The following XIAP variants were observed in gnomAD, a reference collection of about 807,000 sequenced individuals.
XIAP encodes the protein E3 ubiquitin-protein ligase XIAP.
A neutral mutation model predicts 33.1 loss-of-function variants in XIAP; 3 were observed. The ratio of observed to expected loss-of-function variants is 0.09; its 90% confidence interval spans 0.04 to 0.23. The LOEUF (loss-of-function observed/expected upper bound fraction) is 0.23, where lower values mean the gene tolerates loss of function less well. XIAP is among the 10% of genes least tolerant of loss of function. XIAP has a pLI of 1.00. For synonymous variants in XIAP, 98 were observed against 121.3 expected (o/e 0.81, Z 1.26); for missense variants, 264 against 363.0 (o/e 0.73, Z 2.22).
At chrX:123,882,661 G>A (rs1038215291) in intron 1 of XIAP, among the ~76,000 whole-genome samples, 8 of 112,724 alleles carry the variant, frequency 7.1e-5, no homozygotes, top group Admixed American at 5.7e-4. Context: ...TAGTCGACTT[G>A]TAATGTTGGC....
At position 123,913,450 on chromosome X, in the gene XIAP, A is replaced by G. The variant is rs930777951; in HGVS notation, c.*6269A>G. Reference sequence around the variant, plus strand: ...GCGCCACCGCACTCCAGCCTAGGTGATAGAGTGAGACTCCCTCTCAAAAAC... The same window carrying G: ...GCGCCACCGCACTCCAGCCTAGGTGGTAGAGTGAGACTCCCTCTCAAAAAC... On this transcript the variant is annotated 3_prime_UTR_variant, in exon 7 of 7. Transcript: ENST00000371199. The G allele has an allele frequency of 1.5e-5, 5 of 329,396 alleles. No homozygotes were observed. The highest frequency in any genetic ancestry group is 2.9e-5 in the Non-Finnish European group (5 of 169,984). The allele number at this position is 329,396 out of a possible 1,213,427, so 27.1% of individuals were successfully genotyped here. A position where few individuals can be genotyped will look rare whatever the true frequency, so the allele number is the denominator to read the frequency against.
intron 6 of XIAP, among the ~76,000 whole-genome samples, chrX:123,901,751 A>T (rs2053515949): frequency 9.0e-6 from 1 of 111,677 alleles, no homozygotes; most frequent in African/African-American, 3.2e-5. Context: ...TTATAGATGC[A>T]TTTATTTAAA....
rs1409226167 is a variant in XIAP at position 123,912,493 on chromosome X, G to C, written c.*5312G>C. The C allele has an allele frequency of 6.1e-6, 2 of 325,301 alleles. No homozygotes were observed. The highest frequency in any genetic ancestry group is 1.2e-5 in the Non-Finnish European group (2 of 169,191). 26.8% of individuals were successfully genotyped at this position (325,301 alleles called of 1,213,427 possible). A position where few individuals can be genotyped will look rare whatever the true frequency, so the allele number is the denominator to read the frequency against. ...CTACAAAAAATACAAAAATTAGCTG[G>C]GCATGGTGGTGTGTGCCTGTAGTCC... On this transcript the variant is annotated 3_prime_UTR_variant, in exon 7 of 7. Transcript: ENST00000371199.
At chrX:123,860,428 C>G in intron 1 of XIAP, 135 bp downstream of exon 1, 1 of 270,395 alleles carries the variant, frequency 3.7e-6, no homozygotes. Flanking sequence ...GCCAGCCCAT[C>G]AGGGGTGGCC....
At position 123,909,327 on chromosome X, in the gene XIAP, G is replaced by A. The variant is rs762000391; in HGVS notation, c.*2146G>A. On this transcript the variant is annotated 3_prime_UTR_variant, in exon 7 of 7. Coordinates refer to ENST00000371199, the MANE Select transcript of XIAP (RefSeq NM_001167.4). Reference sequence around the variant, plus strand: ...ATTACAGGCTTGAGCCACCACGCCCGGCTAAAACATTGCAAATTTAAATGA... The same window carrying A: ...ATTACAGGCTTGAGCCACCACGCCCAGCTAAAACATTGCAAATTTAAATGA... 9.8e-5 allele frequency: 32 copies of A among 327,205 alleles called. No individual in the cohort carries two copies. Among genetic ancestry groups the A allele is most frequent in the South Asian group, 8.4e-4 (32 of 38,301 alleles). 27.0% of individuals were successfully genotyped at this position (327,205 alleles called of 1,213,427 possible).
Position 123,909,666 on chromosome X carries a change from A to G in XIAP, c.*2485A>G, listed in dbSNP as rs1038896344. ...GTTCTGGGAGCCGCACTTCATTAAA[A>G]TTCTTCTAAAACTTGTATGTTTAGA... On this transcript the variant is annotated 3_prime_UTR_variant, in exon 7 of 7. Transcript: ENST00000371199. The G allele has an allele frequency of 9.1e-6, 3 of 328,023 alleles. No homozygotes were observed. The highest frequency in any genetic ancestry group is 8.0e-5 in the African/African-American group (3 of 37,625). The allele number at this position is 328,023 out of a possible 1,213,427, so 27.0% of individuals were successfully genotyped here.
chrX:123,862,019 A>G (rs754719130), intron 1 of XIAP, among the ~76,000 whole-genome samples: 4 of 112,235 alleles, frequency 3.6e-5, no homozygotes, highest in Non-Finnish European at 7.5e-5. Flanking sequence ...GGTAGCACAT[A>G]TACTAAAATT....
At chrX:123,900,405 A>G (rs767908853) in intron 5 of XIAP, 88 bp from the exon 6 acceptor site, 13 of 842,845 alleles carry the variant, frequency 1.5e-5, no homozygotes, top group Non-Finnish European at 2.2e-5. Flanking sequence ...TAATTTTTTC[A>G]TTTTAACTAT....
chrX:123,911,670 C>A lies in XIAP; in HGVS notation c.*4489C>A, dbSNP rs750890983. The stretch of plus-strand genomic sequence containing the variant: ...TCCAGTCTGGGTGACAGAGTGAGAC[C>A]CCATCTCTAAATAAATAGGTCAAAC... On this transcript the variant is annotated 3_prime_UTR_variant, in exon 7 of 7. Transcript: ENST00000371199. The A allele has an allele frequency of 1.1e-4, 35 of 325,259 alleles. No individual in the cohort carries two copies. Among genetic ancestry groups the A allele is most frequent in the South Asian group, 9.3e-4 (35 of 37,823 alleles). The allele number at this position is 325,259 out of a possible 1,213,427, so 26.8% of individuals were successfully genotyped here. A position where few individuals can be genotyped will look rare whatever the true frequency, so the allele number is the denominator to read the frequency against.
In XIAP at chrX:123,886,535, T is replaced by G; in HGVS notation, c.873T>G (p.Ala291=). 8.3e-7 allele frequency: 1 copy of G among 1,202,241 alleles called. No homozygotes were observed. The change falls in exon 2 of 7, where the codon GCT becomes GCG. Residue 291 remains alanine, a synonymous_variant. Transcript: ENST00000371199. ...KEQLARAGFY[A]LGEGDKVKCF... is the part of the protein sequence containing the mutation. Reference sequence around the variant, plus strand: ...AGCTTGCAAGAGCTGGATTTTATGCTTTAGGTAAACTTTATTATAAAACCA... The same window carrying G: ...AGCTTGCAAGAGCTGGATTTTATGCGTTAGGTAAACTTTATTATAAAACCA...
At chrX:123,880,519 C>T (rs747084925) in intron 1 of XIAP, among the ~76,000 whole-genome samples, 16 of 108,684 alleles carry the variant, frequency 1.5e-4, no homozygotes, top group African/African-American at 5.4e-4. Context: ...GGTGGATCAC[C>T]TGAGATCAGC....
At chrX:123,874,744 G>A (rs1442231963) in intron 1 of XIAP, among the ~76,000 whole-genome samples, 1 of 93,016 alleles carries the variant, frequency 1.1e-5, no homozygotes, top group East Asian at 3.5e-4. Flanking sequence ...GCCCAGGCTT[G>A]AATGCAGTGG....
intron 1 of XIAP, among the ~76,000 whole-genome samples, chrX:123,864,794 G>T (rs866308426): frequency 9.8e-5 from 5 of 51,032 alleles, no homozygotes; most frequent in African/African-American, 1.8e-4. Context: ...GTGTGTGTGT[G>T]TGTGTGTGTG....
rs79291374 is a variant in XIAP at position 123,909,474 on chromosome X, TGTATA to T, written c.*2296_*2300del. 0.22 allele frequency: 72,173 copies of T among 326,253 alleles called. 5,128 individuals are homozygous for T. The highest frequency in any genetic ancestry group is 0.39 in the South Asian group (14,772 of 38,132). The allele number at this position is 326,253 out of a possible 1,213,427, so 26.9% of individuals were successfully genotyped here. A position where few individuals can be genotyped will look rare whatever the true frequency, so the allele number is the denominator to read the frequency against. Reference sequence around the variant, plus strand: ...TATAGTCATTAACTTGAATTTGGTCTGTATAGTCTAGACTTTAAATTTAAAGTTTT... The same window carrying T: ...TATAGTCATTAACTTGAATTTGGTCTGTCTAGACTTTAAATTTAAAGTTTT... On this transcript the variant is annotated 3_prime_UTR_variant, in exon 7 of 7. Coordinates refer to ENST00000371199, the MANE Select transcript of XIAP (RefSeq NM_001167.4).
intron 5 of XIAP, among the ~76,000 whole-genome samples, chrX:123,894,248 C>T (rs1409488331): frequency 8.9e-6 from 1 of 112,291 alleles, no homozygotes; most frequent in East Asian, 2.8e-4. Flanking sequence ...GTTATCCCCA[C>T]TTTTCAGATG....
At chrX:123,866,529 A>G (rs1324487567) in intron 1 of XIAP, among the ~76,000 whole-genome samples, 2 of 77,294 alleles carry the variant, frequency 2.6e-5, no homozygotes, top group Non-Finnish European at 4.9e-5. Flanking sequence ...TATAATATCA[A>G]AATATATAAT....
Position 123,899,144 on chromosome X carries a change from A to AAATAT in XIAP, c.1100-1348_1100-1347insATATA, listed in dbSNP as rs1186271285. ...CAAAAAAAAAAAAAAAAAAAAAAAA[A>AAATAT]ATATATATATATATATATATATGAT... On this transcript the variant is annotated intron_variant, in intron 5 of 6. Coordinates refer to ENST00000371199, the MANE Select transcript of XIAP (RefSeq NM_001167.4). Among the ~76,000 whole-genome samples, 5 of 50,184 alleles carry AAATAT rather than the reference A, an allele frequency of 1.0e-4. 1 individual carries two copies. Among genetic ancestry groups the AAATAT allele is most frequent in the Non-Finnish European group, 1.4e-4 (4 of 28,386 alleles). 43.6% of individuals were successfully genotyped at this position (50,184 alleles called of 115,157 possible).
chrX:123,882,257 G>A (rs1045894003), intron 1 of XIAP, among the ~76,000 whole-genome samples: 1 of 111,424 alleles, frequency 9.0e-6, no homozygotes, highest in African/African-American at 3.3e-5. Context: ...AATCCATTTG[G>A]TGCTACCATC....
At chrX:123,863,510 A>G (rs1197681716) in intron 1 of XIAP, among the ~76,000 whole-genome samples, 1 of 111,115 alleles carries the variant, frequency 9.0e-6, no homozygotes, top group Admixed American at 9.6e-5. Context: ...TCAGCTGTCT[A>G]GTTTTGTTTT....
Sources: gnomAD v4.1 joint callset for allele counts (sites outside exome capture counted in the v4.1 genomes callset) on GRCh38, gnomAD v4.1.1 for gene constraint, MANE v1.5 for transcripts, NCBI Gene and HGNC (gene_info 2026-07-23, HGNC 2026-07-21) for gene names.